The following EPM2A variants were observed in gnomAD, a reference collection of about 807,000 sequenced individuals.
EPM2A encodes the protein laforin.
Under a neutral mutation model 26.5 loss-of-function variants are expected in EPM2A, and 21 were observed. The ratio of observed to expected loss-of-function variants is 0.79; its 90% CI spans 0.56 to 1.14. The LOEUF is 1.14. EPM2A is among the 50% of genes most tolerant of loss of function. The probability of loss-of-function intolerance (pLI) is 0.00; values close to 1 mark genes in which losing one functional copy is unlikely to be tolerated. For synonymous variants in EPM2A, 217 were observed against 177.6 expected, an observed-to-expected ratio of 1.22 and a Z score of -1.76; for missense variants, 458 against 440.8, an observed-to-expected ratio of 1.04 and a Z score of -0.35.
chr6:145,451,781 ATTT>A (rs576734190), intron 4 of EPM2A, among the ~76,000 whole-genome samples: 19 of 152,204 alleles, frequency 1.2e-4, no homozygotes, highest in Non-Finnish European at 2.2e-4. Context: ...ATTCTAAATT[ATTT>A]TTTAATTTTA....
intron 4 of EPM2A, among the ~76,000 whole-genome samples, chr6:145,408,260 T>A (rs1254945116): frequency 6.6e-6 from 1 of 152,208 alleles, no homozygotes; most frequent in Non-Finnish European, 1.5e-5. Flanking sequence ...TTCTTCATCC[T>A]GCTCTGTGTC....
At chr6:145,618,726 T>TA (rs1379067981) in intron 2 of EPM2A, among the ~76,000 whole-genome samples, 2 of 152,260 alleles carry the variant, frequency 1.3e-5, no homozygotes, top group African/African-American at 2.4e-5. Flanking sequence ...CTTTCCTTTA[T>TA]AAATTACCCA....
intron 2 of EPM2A, among the ~76,000 whole-genome samples, chr6:145,602,655 G>A (rs1348571054): frequency 2.0e-5 from 3 of 152,184 alleles, no homozygotes; most frequent in African/African-American, 7.2e-5. Context: ...ATTCCTCCCA[G>A]AGTGCCTCAA....
At chr6:145,599,273 A>G (rs1781386540) in intron 2 of EPM2A, among the ~76,000 whole-genome samples, 1 of 151,790 alleles carries the variant, frequency 6.6e-6, no homozygotes, top group South Asian at 2.1e-4. Flanking sequence ...GTTTTGAATA[A>G]TTTTCTTTTA....
intron 3 of EPM2A, chr6:145,630,790 T>G (rs1301550975): frequency 6.6e-6 from 1 of 152,266 alleles, no homozygotes; most frequent in Non-Finnish European, 1.5e-5. Flanking sequence ...GTAAGCATTT[T>G]ACATGCACTA....
chr6:145,581,457 C>T (rs992321898), intron 2 of EPM2A, among the ~76,000 whole-genome samples: 7 of 152,034 alleles, frequency 4.6e-5, no homozygotes, highest in African/African-American at 1.4e-4. Context: ...TGTATTTACT[C>T]GGTTGATAGT....
chr6:145,506,492 A>G (rs905586425), intron 2 of EPM2A, among the ~76,000 whole-genome samples: 39 of 152,032 alleles, frequency 2.6e-4, no homozygotes, highest in African/African-American at 7.7e-4. Context: ...AGGCAAGGTA[A>G]ATTATTGTAT....
intron 2 of EPM2A, among the ~76,000 whole-genome samples, chr6:145,610,840 G>A (rs906236572): frequency 6.6e-6 from 1 of 152,146 alleles, no homozygotes. Context: ...CAGGACCTGA[G>A]CACTCACTGT....
At chr6:145,464,700 C>T (rs1416805106) in intron 4 of EPM2A, among the ~76,000 whole-genome samples, 2 of 152,046 alleles carry the variant, frequency 1.3e-5, no homozygotes, top group Non-Finnish European at 1.5e-5. Flanking sequence ...CCCAGTCTGT[C>T]ACTTTTCCTT....
At chr6:145,543,976 T>A (rs1228170323) in intron 2 of EPM2A, among the ~76,000 whole-genome samples, 1 of 152,236 alleles carries the variant, frequency 6.6e-6, no homozygotes, top group Non-Finnish European at 1.5e-5. Context: ...ATTTAACAAT[T>A]AGCTATAATT....
intron 4 of EPM2A, among the ~76,000 whole-genome samples, chr6:145,391,891 A>G (rs748207695): frequency 2.0e-5 from 3 of 149,522 alleles, no homozygotes; most frequent in Non-Finnish European, 3.0e-5. Flanking sequence ...TGGAAGAGAT[A>G]TTTCTCTTGG....
rs770703983 is a variant in EPM2A at position 145,635,497 on chromosome 6, C to A, written c.477-11G>T. The A allele has an allele frequency of 1.9e-6, 3 of 1,613,636 alleles. No homozygotes were observed. Among genetic ancestry groups the A allele is most frequent in the Non-Finnish European group, 2.5e-6 (3 of 1,179,646 alleles). On this transcript the variant is annotated splice_polypyrimidine_tract_variant and intron_variant, in intron 2 of 3. Coordinates refer to ENST00000367519, the MANE Select transcript of EPM2A (RefSeq NM_005670.4). ...ATATTTGGTAGAATTCTAATGAGAA[C>A]ATATGGAGACAACTATCACTAGTGT...
intron 2 of EPM2A, among the ~76,000 whole-genome samples, chr6:145,668,318 G>A (rs1324035250): frequency 2.6e-5 from 4 of 152,066 alleles, no homozygotes; most frequent in Non-Finnish European, 5.9e-5. Flanking sequence ...ATAAGATGGA[G>A]AAGGACAATG....
chr6:145,531,849 C>T (rs868533599), intron 2 of EPM2A, among the ~76,000 whole-genome samples: 29 of 152,178 alleles, frequency 1.9e-4, no homozygotes, highest in Non-Finnish European at 1.0e-4. Flanking sequence ...TTTTTATTCT[C>T]TCACTGTGCC....
chr6:145,671,624 T>C (rs1396571615), intron 2 of EPM2A, among the ~76,000 whole-genome samples: 1 of 152,210 alleles, frequency 6.6e-6, no homozygotes, highest in African/African-American at 2.4e-5. Context: ...TGTTCCAAGG[T>C]TACCCATGAG....
chr6:145,639,783 T>C (rs949634372), intron 2 of EPM2A: 1 of 152,196 alleles, frequency 6.6e-6, no homozygotes, highest in African/African-American at 2.4e-5. Flanking sequence ...TTCTAACTGG[T>C]CAAAACTAAA....
chr6:145,523,019 T>C (rs1016077399), intron 2 of EPM2A, among the ~76,000 whole-genome samples: 1 of 152,214 alleles, frequency 6.6e-6, no homozygotes, highest in Admixed American at 6.5e-5. Flanking sequence ...GTTTAAGATA[T>C]GCACCAATAT....
intron 1 of EPM2A, among the ~76,000 whole-genome samples, chr6:145,717,162 C>A (rs1028200233): frequency 3.3e-5 from 5 of 151,858 alleles, no homozygotes; most frequent in Non-Finnish European, 5.9e-5. Context: ...GAGACACAAC[C>A]AAAAAAGAGA....
chr6:145,564,390 G>A (rs1780851171), intron 2 of EPM2A, among the ~76,000 whole-genome samples: 1 of 152,156 alleles, frequency 6.6e-6, no homozygotes, highest in African/African-American at 2.4e-5. Flanking sequence ...TTATGAATTA[G>A]GCAGCATTCA....
Sources: gnomAD v4.1 joint callset for allele counts (sites outside exome capture counted in the v4.1 genomes callset) on GRCh38, gnomAD v4.1.1 for gene constraint, MANE v1.5 for transcripts, NCBI Gene and HGNC (gene_info 2026-07-23, HGNC 2026-07-21) for gene names.